The following ZNF595 variants were observed in gnomAD, a reference collection of about 807,000 sequenced individuals.
ZNF595 encodes zinc finger protein 595.
A neutral mutation model predicts 19.4 loss-of-function variants in ZNF595; 9 were observed. The ratio of observed to expected loss-of-function variants is 0.46; its 90% CI spans 0.28 to 0.81. The LOEUF (loss-of-function observed/expected upper bound fraction) is 0.81, where lower values mean the gene tolerates loss of function less well. Among genes scored for constraint, ZNF595 ranks in the 30% least tolerant of loss-of-function variants. ZNF595 has a pLI of 0.11. For missense variants in ZNF595, 729 were observed against 736.0 expected (o/e 0.99, Z 0.11); for synonymous variants, 255 against 255.9 (o/e 1.00, Z 0.03).
intron 3 of ZNF595, among the ~76,000 whole-genome samples, chr4:85,275 G>A (rs551782030): frequency 6.6e-6 from 1 of 152,314 alleles, no homozygotes; most frequent in South Asian, 2.1e-4. Flanking sequence ...TTCTTCCAAA[G>A]TATAGCACCG....
chr4:68,515 G>A (rs1581337686), intron 3 of ZNF595: 813 of 146,082 alleles, frequency 5.6e-3, no homozygotes, highest in African/African-American at 0.022. Context: ...TCTCACAAAG[G>A]CAATGTGATC....
At chr4:70,640 A>G (rs376666822) in intron 3 of ZNF595, among the ~76,000 whole-genome samples, 12 of 152,318 alleles carry the variant, frequency 7.9e-5, no homozygotes, top group Admixed American at 2.0e-4. Flanking sequence ...TCAGCCTCCA[A>G]TAAATATTCT....
At position 66,380 on chromosome 4, in the gene ZNF595, T is replaced by C. The variant is rs1483139889; in HGVS notation, c.226+6227T>C. Among the ~76,000 whole-genome samples, 3 of 151,660 alleles carry C rather than the reference T, an allele frequency of 2.0e-5. No homozygotes were observed. In the East Asian group the frequency reaches 5.9e-4, roughly 30 times the overall value. Reference sequence around the variant, plus strand: ...TGGATGTTATCTTCTGTCAAATATATGTATATTTTGGCTTTTCTGCTGCTT... The same window carrying C: ...TGGATGTTATCTTCTGTCAAATATACGTATATTTTGGCTTTTCTGCTGCTT... On this transcript the variant is annotated intron_variant, in intron 3 of 3. Transcript: ENST00000610261.
chr4:69,527 A>G (rs1444244646), intron 3 of ZNF595, among the ~76,000 whole-genome samples: 1 of 152,016 alleles, frequency 6.6e-6, no homozygotes, highest in African/African-American at 2.4e-5. Context: ...CCTTTTTGTT[A>G]TTTGTATGCC....
chr4:79,940 C>G (rs1352325100), intron 3 of ZNF595, among the ~76,000 whole-genome samples: 1 of 151,936 alleles, frequency 6.6e-6, no homozygotes, highest in African/African-American at 2.4e-5. Flanking sequence ...GAATGTTCAC[C>G]TTTTTAATTG....
chr4:78,544 T>C (rs375944008), intron 3 of ZNF595, among the ~76,000 whole-genome samples: 22 of 152,344 alleles, frequency 1.4e-4, no homozygotes, highest in African/African-American at 5.1e-4. Context: ...CAGTGTTTTC[T>C]TGTGTACGTG....
At chr4:62,340 A>G (rs1353570176) in intron 3 of ZNF595, among the ~76,000 whole-genome samples, 2 of 40,922 alleles carry the variant, frequency 4.9e-5, no homozygotes, top group East Asian at 1.7e-3. Flanking sequence ...AATGCTGTAA[A>G]TGGCTAGATT....
intron 3 of ZNF595, among the ~76,000 whole-genome samples, chr4:74,014 A>T (rs1553798266): frequency 6.6e-6 from 1 of 152,148 alleles, no homozygotes; most frequent in Non-Finnish European, 1.5e-5. Context: ...TGGTGTTAGA[A>T]TAAAGATATC....
intron 3 of ZNF595, among the ~76,000 whole-genome samples, chr4:79,675 G>GTTTTTTTTTTTTTTT (rs202205324): frequency 7.8e-6 from 1 of 127,518 alleles, no homozygotes; most frequent in Non-Finnish European, 1.7e-5. Context: ...CAGCTTTGTT[G>GTTTTTTTTTTTTTTT]TTTTTTTTTT....
chr4:66,971 GTAT>G (rs1395488773), intron 3 of ZNF595, among the ~76,000 whole-genome samples: 1 of 145,842 alleles, frequency 6.9e-6, no homozygotes, highest in Non-Finnish European at 1.5e-5. Context: ...TTTTCACAAA[GTAT>G]TATTTTTATT....
chr4:87,517 C>G lies in ZNF595; in HGVS notation c.*66C>G. 2 of 1,335,600 alleles carry G rather than the reference C, an allele frequency of 1.5e-6. No homozygotes were observed. Among genetic ancestry groups the G allele is most frequent in the Non-Finnish European group, 2.0e-6 (2 of 1,013,844 alleles). 82.7% of individuals were successfully genotyped at this position (1,335,600 alleles called of 1,614,324 possible). On this transcript the variant is annotated 3_prime_UTR_variant, in exon 4 of 4. Coordinates refer to ENST00000610261, the MANE Select transcript of ZNF595 (RefSeq NM_182524.4). ...AGCAAATAAATTGGAGAATATTGCT[C>G]CCATATAAACTTGTATTATTTTTCT... is the stretch of plus-strand genomic sequence containing the variant.
intron 3 of ZNF595, among the ~76,000 whole-genome samples, chr4:80,384 A>T (rs1208159220): frequency 6.6e-6 from 1 of 152,242 alleles, no homozygotes; most frequent in Non-Finnish European, 1.5e-5. Context: ...CCTCAACACA[A>T]TAAAGGCCAT....
In ZNF595 at chr4:73,513, T is replaced by G. The variant is rs1560088552; in HGVS notation, c.227-12218T>G. On this transcript the variant is annotated intron_variant, in intron 3 of 3. Transcript: ENST00000610261. Reference sequence around the variant, plus strand: ...AAATGAGAATTTAGAATCGGTGAATTTGAGATATCTAAAGAGGGAGCATCA... The same window carrying G: ...AAATGAGAATTTAGAATCGGTGAATGTGAGATATCTAAAGAGGGAGCATCA... Among the ~76,000 whole-genome samples the G allele has an allele frequency of 2.6e-5, 4 of 152,170 alleles. No homozygotes were observed. In the South Asian group the frequency reaches 8.3e-4, roughly 32 times the overall value.
intron 1 of ZNF595, among the ~76,000 whole-genome samples, chr4:54,842 G>T (rs1436005617): frequency 6.6e-6 from 1 of 151,334 alleles, no homozygotes; most frequent in Non-Finnish European, 1.5e-5. Context: ...TGTACCTGTG[G>T]CACAAACCAG....
In ZNF595 at chr4:60,038, AT is replaced by A. The variant is rs1377388036; in HGVS notation, c.131-11del. ...AGTATCCCCAGCAATAGTCATGTTAATTTTTTTTTAATAAAACAGGTTTTGT... is the reference window on the plus strand; with the variant it reads ...AGTATCCCCAGCAATAGTCATGTTAATTTTTTTTAATAAAACAGGTTTTGT... On this transcript the variant is annotated intron_variant, in intron 2 of 3. Transcript: ENST00000610261. 6.2e-4 allele frequency: 296 copies of A among 477,724 alleles called. No homozygotes were observed. The highest frequency in any genetic ancestry group is 6.8e-4 in the East Asian group (19 of 27,798). The allele number at this position is 477,724 out of a possible 1,614,324, so 29.6% of individuals were successfully genotyped here.
chr4:81,058 C>T (rs1337144755), intron 3 of ZNF595, among the ~76,000 whole-genome samples: 4 of 152,078 alleles, frequency 2.6e-5, no homozygotes. Flanking sequence ...GTTCAACTCC[C>T]ACTTATGAAT....
At chr4:61,071 G>T (rs1712840567) in intron 3 of ZNF595, among the ~76,000 whole-genome samples, 1 of 152,156 alleles carries the variant, frequency 6.6e-6, no homozygotes, top group East Asian at 1.9e-4. Context: ...CATCACCACA[G>T]ATAAGCAAAA....
chr4:76,057 A>C (rs781962234), intron 3 of ZNF595, among the ~76,000 whole-genome samples: 1 of 151,898 alleles, frequency 6.6e-6, no homozygotes, highest in Admixed American at 6.6e-5. Flanking sequence ...TGTCCGGCTA[A>C]TTTTGTCAGT....
At position 77,135 on chromosome 4, in the gene ZNF595, C is replaced by CT. The variant is rs1192154507; in HGVS notation, c.227-8585dup. On this transcript the variant is annotated intron_variant, in intron 3 of 3. Coordinates refer to ENST00000610261, the MANE Select transcript of ZNF595 (RefSeq NM_182524.4). ...CAAATGCTTTATTCACTCTTTCATT[C>CT]TTTTTTTTTTTAAATTAGGAACTGT... Among the ~76,000 whole-genome samples the CT allele has an allele frequency of 8.3e-3, 1,204 of 145,832 alleles. 14 individuals are homozygous for CT. Among genetic ancestry groups the CT allele is most frequent in the African/African-American group, 0.027 (1,092 of 40,048 alleles).
Sources: gnomAD v4.1 joint callset for allele counts (sites outside exome capture counted in the v4.1 genomes callset) on GRCh38, gnomAD v4.1.1 for gene constraint, MANE v1.5 for transcripts, NCBI Gene and HGNC (gene_info 2026-07-23, HGNC 2026-07-21) for gene names.